LGR6: variants seen among roughly 807,000 people sequenced by gnomAD.
The protein encoded by LGR6 is leucine-rich repeat-containing G protein-coupled receptor 6.
In LGR6, 45 loss-of-function variants were observed where a neutral mutation model predicts 69.4. That is an observed-to-expected ratio of 0.65 (90% confidence interval 0.51 to 0.83). LGR6 has a LOEUF of 0.83. Ranked by LOEUF, LGR6 falls within the 40% of genes least tolerant of loss-of-function variation. The pLI, the probability that LGR6 is intolerant of heterozygous loss-of-function variation, is 0.00. For missense variants in LGR6, 1,108 were observed against 1,246.7 expected (o/e 0.89, Z 1.68); for synonymous variants, 538 against 555.0 (o/e 0.97, Z 0.43).
At chr1:202,225,262 G>C in intron 1 of LGR6, 161 bp from the exon 2 acceptor site, 1 of 654,680 alleles carries the variant, frequency 1.5e-6, no homozygotes. Flanking sequence ...CTCTTAGAGA[G>C]AACGCAGCTG....
In LGR6 at chr1:202,258,675, C is replaced by T. The variant is rs1360035169; in HGVS notation, c.429-17631C>T. ...AGGAAAATATTGAGGTGTATACATT[C>T]ATCTTGTATTTGATCACTTTATTAA... On this transcript the variant is annotated intron_variant, in intron 4 of 17. Coordinates refer to ENST00000367278, the MANE Select transcript of LGR6 (RefSeq NM_001017403.2). Among the ~76,000 whole-genome samples, 5 of 151,946 alleles carry T rather than the reference C, an allele frequency of 3.3e-5. No individual in the cohort carries two copies. In the South Asian group the frequency reaches 1.0e-3, roughly 32 times the overall value.
intron 6 of LGR6, among the ~76,000 whole-genome samples, chr1:202,292,950 G>T (rs1460723891): frequency 2.0e-5 from 3 of 152,220 alleles, no homozygotes; most frequent in African/African-American, 7.2e-5. Flanking sequence ...AGTAGACTCT[G>T]CCACAGCCAG....
intron 6 of LGR6, among the ~76,000 whole-genome samples, chr1:202,290,533 C>T (rs760505671): frequency 1.2e-4 from 18 of 152,198 alleles, no homozygotes; most frequent in Admixed American, 6.5e-5. Flanking sequence ...GGCTCTGGGA[C>T]TTGCAGCAAT....
intron 1 of LGR6, among the ~76,000 whole-genome samples, chr1:202,210,428 G>GGA (rs763607440): frequency 5.3e-5 from 7 of 131,772 alleles, no homozygotes; most frequent in Non-Finnish European, 1.1e-4. Flanking sequence ...GTACAGAGCA[G>GGA]AAAAAAAAAA....
At chr1:202,220,628 G>A (rs1281393804) in intron 1 of LGR6, among the ~76,000 whole-genome samples, 1 of 152,236 alleles carries the variant, frequency 6.6e-6, no homozygotes, top group African/African-American at 2.4e-5. Flanking sequence ...CAGCTAGTGA[G>A]TGTTGTCCTG....
chr1:202,226,426 T>C (rs1163283538), intron 2 of LGR6, among the ~76,000 whole-genome samples: 1 of 152,180 alleles, frequency 6.6e-6, no homozygotes, highest in African/African-American at 2.4e-5. Flanking sequence ...TCGCAAACTG[T>C]GAGTTCCTGG....
At chr1:202,218,184 A>C (rs762069770) in intron 1 of LGR6, among the ~76,000 whole-genome samples, 4 of 152,190 alleles carry the variant, frequency 2.6e-5, no homozygotes, top group Non-Finnish European at 4.4e-5. Context: ...ATGTGTCCTT[A>C]GGTAACTTTG....
At chr1:202,278,297 C>G (rs1665744557) in intron 5 of LGR6, among the ~76,000 whole-genome samples, 1 of 151,818 alleles carries the variant, frequency 6.6e-6, no homozygotes, top group African/African-American at 2.4e-5. Context: ...AAGAATTGAC[C>G]TGATTGAGAG....
rs376762432 is a variant in LGR6 at position 202,290,790 on chromosome 1, G to A, written c.717-6718G>A. ...GAGGCAGGAGAATCACTTGAACCCAGGAGGTGGAGGTTGTAGTGAGCTGAG... is the reference window on the plus strand; with the variant it reads ...GAGGCAGGAGAATCACTTGAACCCAAGAGGTGGAGGTTGTAGTGAGCTGAG... On this transcript the variant is annotated intron_variant, in intron 6 of 17. Coordinates refer to ENST00000367278, the MANE Select transcript of LGR6 (RefSeq NM_001017403.2). Among the ~76,000 whole-genome samples the A allele has an allele frequency of 5.3e-5, 8 of 152,362 alleles. No homozygotes were observed. The South Asian group carries it at 1.0e-3, about 20-fold the overall frequency.
intron 2 of LGR6, among the ~76,000 whole-genome samples, chr1:202,227,344 G>A (rs189270852): frequency 1.1e-4 from 16 of 152,234 alleles, no homozygotes; most frequent in South Asian, 8.3e-4. Flanking sequence ...AGTGTATTTC[G>A]TTGCATTTGC....
intron 3 of LGR6, among the ~76,000 whole-genome samples, chr1:202,235,511 G>T (rs1661467618): frequency 6.6e-6 from 1 of 152,166 alleles, no homozygotes; most frequent in African/African-American, 2.4e-5. Context: ...CTTCCATAAA[G>T]AAACCTTTAG....
In LGR6 at chr1:202,268,341, T is replaced by C. The variant is rs1664834431; in HGVS notation, c.429-7965T>C. On this transcript the variant is annotated intron_variant, in intron 4 of 17. Transcript: ENST00000367278. This position sits in a 1 kb window ranked among gnomAD's most constrained non-coding sequence, Gnocchi z 4.4. The stretch of plus-strand genomic sequence containing the variant: ...CGGCAGGTGCCAGCCTGCTCCCTGC[T>C]GGAATCCTTGCCTTCCCAGGCAGGC... Among the ~76,000 whole-genome samples, 1 of 152,168 alleles carries C rather than the reference T, an allele frequency of 6.6e-6. No individual in the cohort carries two copies.
At chr1:202,240,768 A>G (rs140165944) in intron 4 of LGR6, among the ~76,000 whole-genome samples, 12 of 152,286 alleles carry the variant, frequency 7.9e-5, no homozygotes, top group Admixed American at 3.9e-4. Flanking sequence ...CTAGGCTGAA[A>G]GGAGACAGTG....
At position 202,307,390 on chromosome 1, in the gene LGR6, C is replaced by A; in HGVS notation, c.1269C>A (p.Ser423=). Reference sequence around the variant, plus strand: ...CCGAGGCCTTCTCCACCCTGCACTCCCTGGTCAAGCTGTAAGTGCCTGCTG... The same window carrying A: ...CCGAGGCCTTCTCCACCCTGCACTCACTGGTCAAGCTGTAAGTGCCTGCTG... ...IHPEAFSTLH[S]LVKLDLTDNQ... Residue 423 remains serine (S), a synonymous_variant, in exon 14 of 18, where the codon TCC becomes TCA. Transcript: ENST00000367278. 1 of 1,614,038 alleles carries A rather than the reference C, an allele frequency of 6.2e-7. No individual in the cohort carries two copies. Among genetic ancestry groups the A allele is most frequent in the Middle Eastern group, 1.7e-4 (1 of 6,060 alleles).
intron 6 of LGR6, among the ~76,000 whole-genome samples, chr1:202,296,670 G>A (rs1233303383): frequency 6.6e-6 from 1 of 152,216 alleles, no homozygotes; most frequent in Non-Finnish European, 1.5e-5. Context: ...TTCCTTAAAA[G>A]AGTTGATGGA....
At chr1:202,273,017 C>G (rs1369050657) in intron 4 of LGR6, among the ~76,000 whole-genome samples, 2 of 152,204 alleles carry the variant, frequency 1.3e-5, no homozygotes, top group Non-Finnish European at 2.9e-5. Context: ...AGTGCCAACA[C>G]AACACAATGG....
In LGR6 at chr1:202,193,984, G is replaced by A. The variant is rs12752893; in HGVS notation, c.-6G>A. 1 of 1,364,786 alleles carries A rather than the reference G, an allele frequency of 7.3e-7. No homozygotes were observed. Among genetic ancestry groups the A allele is most frequent in the South Asian group, 1.6e-5 (1 of 61,382 alleles). The allele number at this position is 1,364,786 out of a possible 1,614,324, so 84.5% of individuals were successfully genotyped here. ...CGCCAGGTGCCCCAGTAGCCCGACCGCCGAGATGCCCAGCCCGCCGGGGCT... is the reference window on the plus strand; with the variant it reads ...CGCCAGGTGCCCCAGTAGCCCGACCACCGAGATGCCCAGCCCGCCGGGGCT... On this transcript the variant is annotated 5_prime_UTR_variant, in exon 1 of 18. Transcript: ENST00000367278.
At chr1:202,263,391 T>A (rs1332713418) in intron 4 of LGR6, among the ~76,000 whole-genome samples, 1 of 152,170 alleles carries the variant, frequency 6.6e-6, no homozygotes, top group African/African-American at 2.4e-5. Context: ...CCCAAAATGC[T>A]GGGATTACCC....
rs182855831 is a variant in LGR6 at position 202,319,376 on chromosome 1, C to T, written c.*169C>T. On this transcript the variant is annotated 3_prime_UTR_variant, in exon 18 of 18. Transcript: ENST00000367278. The stretch of plus-strand genomic sequence containing the variant: ...ACCTCTCTCCTGTGACCATCACCAA[C>T]GGGTGCCTCTTGGCCTGGCTTTCCC... 203 of 669,334 alleles carry T rather than the reference C, an allele frequency of 3.0e-4. No homozygotes were observed. Among genetic ancestry groups the T allele is most frequent in the African/African-American group, 2.6e-3 (142 of 54,956 alleles). 41.5% of individuals were successfully genotyped at this position (669,334 alleles called of 1,614,324 possible).
Sources: allele counts gnomAD v4.1 joint callset (sites outside exome capture counted in the v4.1 genomes callset), GRCh38; gene constraint gnomAD v4.1.1; non-coding constraint Gnocchi (gnomAD v3.1); transcripts MANE v1.5; gene names NCBI Gene and HGNC (gene_info 2026-07-23, HGNC 2026-07-21).